SLC9A7: variants seen among roughly 807,000 people sequenced by gnomAD.
SLC9A7 encodes sodium/hydrogen exchanger 7.
In SLC9A7, 19 loss-of-function variants were observed where a neutral mutation model predicts 52.6. The ratio of observed to expected loss-of-function variants is 0.36; its 90% CI spans 0.25 to 0.53. SLC9A7 has a LOEUF of 0.53. Ranked by LOEUF, SLC9A7 falls within the 20% of genes least tolerant of loss-of-function variation. SLC9A7 has a pLI of 0.91. For synonymous variants in SLC9A7, 226 were observed against 252.1 expected, an observed-to-expected ratio of 0.90 and a Z score of 0.98; for missense variants, 455 against 597.9, an observed-to-expected ratio of 0.76 and a Z score of 2.49.
At chrX:46,608,644 CTTTT>C (rs1292480791) in intron 16 of SLC9A7, among the ~76,000 whole-genome samples, 2 of 111,785 alleles carry the variant, frequency 1.8e-5, no homozygotes, top group Non-Finnish European at 3.8e-5. Context: ...AGCCTTCTTT[CTTTT>C]TCTTTTTATT....
At chrX:46,713,642 C>T (rs187390950) in intron 1 of SLC9A7, among the ~76,000 whole-genome samples, 3 of 110,470 alleles carry the variant, frequency 2.7e-5, no homozygotes, top group African/African-American at 6.6e-5. Context: ...AGTTAGTGCC[C>T]TAGGTTCATG....
intron 8 of SLC9A7, 84 bp from the exon 9 acceptor site, chrX:46,651,488 G>C: frequency 1.3e-6 from 1 of 781,717 alleles, no homozygotes; most frequent in East Asian, 3.2e-5. Context: ...AAAAAGTTAA[G>C]GTAGGCAAGC....
chrX:46,711,110 T>C (rs986705392), intron 1 of SLC9A7, among the ~76,000 whole-genome samples: 9 of 112,765 alleles, frequency 8.0e-5, no homozygotes, highest in Non-Finnish European at 1.1e-4. Flanking sequence ...GGCCCCCTGT[T>C]GGGGCCTCTT....
intron 1 of SLC9A7, among the ~76,000 whole-genome samples, chrX:46,731,432 T>TATATATAAAAAAAAAA (rs748259550): frequency 3.8e-5 from 3 of 78,246 alleles, no homozygotes; most frequent in Admixed American, 1.8e-4. Flanking sequence ...TATAAAAAAT[T>TATATATAAAAAAAAAA]AAAAAAAATT....
At chrX:46,675,121 T>TGTGTGTGTGTGTG (rs1213746873) in intron 3 of SLC9A7, among the ~76,000 whole-genome samples, 1 of 54,291 alleles carries the variant, frequency 1.8e-5, no homozygotes, top group Non-Finnish European at 4.1e-5. Context: ...GTGTGTGTGT[T>TGTGTGTGTGTGTG]TGGTGGGGGA....
At chrX:46,700,198 T>C (rs1944510129) in intron 1 of SLC9A7, among the ~76,000 whole-genome samples, 1 of 112,163 alleles carries the variant, frequency 8.9e-6, no homozygotes, top group African/African-American at 3.2e-5. Context: ...AATTATAATA[T>C]CAGCTTTCTG....
intron 3 of SLC9A7, 24 bp from the exon 4 acceptor site, chrX:46,672,651 C>A (rs1944043240): frequency 9.2e-7 from 1 of 1,086,433 alleles, no homozygotes; most frequent in Non-Finnish European, 1.3e-6. Context: ...ACAAACAAAA[C>A]CCAGGAATCA....
chrX:46,661,900 C>T, intron 7 of SLC9A7, 116 bp downstream of exon 7: 1 of 642,492 alleles, frequency 1.6e-6, no homozygotes, highest in South Asian at 3.5e-5. Flanking sequence ...CATCATGCCC[C>T]AGTGGAACAC....
chrX:46,731,609 A>T (rs1222528179), intron 1 of SLC9A7, among the ~76,000 whole-genome samples: 1 of 109,173 alleles, frequency 9.2e-6, no homozygotes, highest in East Asian at 2.8e-4. Flanking sequence ...AAAAAATAAA[A>T]ATTTAATAAA....
chrX:46,707,228 G>A (rs1291608833), intron 1 of SLC9A7, among the ~76,000 whole-genome samples: 1 of 112,405 alleles, frequency 8.9e-6, no homozygotes, highest in Admixed American at 9.4e-5. Flanking sequence ...AGTAAGATCT[G>A]TTGATCTGAT....
chrX:46,653,742 C>A (rs1943622437), intron 7 of SLC9A7, 28 bp from the exon 8 acceptor site: 4 of 1,110,999 alleles, frequency 3.6e-6, no homozygotes, highest in Non-Finnish European at 5.0e-6. Flanking sequence ...GACCCTGTCT[C>A]CAGGTACATG....
intron 1 of SLC9A7, among the ~76,000 whole-genome samples, chrX:46,739,756 G>A: frequency 9.0e-6 from 1 of 111,652 alleles, no homozygotes; most frequent in Non-Finnish European, 1.9e-5. Flanking sequence ...TTTGCTGGGA[G>A]GACTTCATCT....
rs752535167 is a variant in SLC9A7, at chrX:46,662,091, C to T, written c.966G>A (p.Lys322=). The T allele has an allele frequency of 8.3e-7, 1 of 1,208,833 alleles. No individual in the cohort carries two copies. Among genetic ancestry groups the T allele is most frequent in the Non-Finnish European group, 1.1e-6 (1 of 893,466 alleles). ...THAFDAAAFF[K]SVGIFLGIFS... ...ATATACCTAGAAAAATGCCAACTGA[C>T]TTAAAAAAGGCAGCAGCATCAAAGG... Residue 322 remains lysine, a synonymous_variant, in exon 7 of 17, where the codon AAG becomes AAA. Transcript: ENST00000616978.
intron 15 of SLC9A7, among the ~76,000 whole-genome samples, chrX:46,616,995 C>T (rs933014245): frequency 9.0e-6 from 1 of 111,671 alleles, no homozygotes; most frequent in African/African-American, 3.3e-5. Flanking sequence ...AATTTTTCTT[C>T]CATTATTTCT....
chrX:46,625,448 G>A (rs1278910022), intron 14 of SLC9A7, among the ~76,000 whole-genome samples: 4 of 110,914 alleles, frequency 3.6e-5, no homozygotes, highest in African/African-American at 9.8e-5. Flanking sequence ...AGTGGCTCAC[G>A]CCTGTAATCC....
rs777434369 is a variant in SLC9A7, at chrX:46,672,919, C to T, written c.604-292G>A. Among the ~76,000 whole-genome samples the T allele has an allele frequency of 3.2e-3, 358 of 111,941 alleles. 1 individual carries two copies. The highest frequency in any genetic ancestry group is 4.6e-3 in the Non-Finnish European group (247 of 53,183). ...ACATTAAGTGTGTGTATATGTTGTG[C>T]GTGTGTGTGTGAGTAGACCAATCAT... On this transcript the variant is annotated intron_variant, in intron 3 of 16. Coordinates refer to ENST00000616978, the MANE Select transcript of SLC9A7 (RefSeq NM_001257291.2).
intron 1 of SLC9A7, among the ~76,000 whole-genome samples, chrX:46,708,121 G>A (rs1434895183): frequency 2.7e-5 from 3 of 112,158 alleles, no homozygotes; most frequent in South Asian, 3.7e-4. Flanking sequence ...ACCAGCCTGG[G>A]TAACATAACA....
intron 14 of SLC9A7, among the ~76,000 whole-genome samples, chrX:46,623,909 G>T (rs1439750563): frequency 8.9e-6 from 1 of 111,827 alleles, no homozygotes; most frequent in Non-Finnish European, 1.9e-5. Flanking sequence ...GATTGCCAGA[G>T]AAACCAACCA....
intron 12 of SLC9A7, among the ~76,000 whole-genome samples, chrX:46,638,403 A>G (rs1294175919): frequency 8.9e-6 from 1 of 112,297 alleles, no homozygotes; most frequent in African/African-American, 3.2e-5. Flanking sequence ...AAATTGATAA[A>G]GATAGAAATC....
Sources: allele counts gnomAD v4.1 joint callset (sites outside exome capture counted in the v4.1 genomes callset), GRCh38; gene constraint gnomAD v4.1.1; transcripts MANE v1.5; gene names NCBI Gene and HGNC (gene_info 2026-07-23, HGNC 2026-07-21).